Variants in LINGO1 observed in about 807,000 individuals in gnomAD.
LINGO1 encodes leucine-rich repeat and immunoglobulin-like domain-containing nogo receptor-interacting protein 1.
Under a neutral mutation model 37.3 loss-of-function variants are expected in LINGO1, and 11 were observed. The observed-to-expected ratio is 0.29, with a 90% confidence interval of 0.19 to 0.49. The LOEUF is 0.49. LINGO1 is among the 20% of genes least tolerant of loss of function. The pLI, the probability that LINGO1 is intolerant of heterozygous loss-of-function variation, is 0.99. For synonymous variants in LINGO1, 387 were observed against 403.0 expected (o/e 0.96, Z 0.48); for missense variants, 585 against 878.2 (o/e 0.67, Z 4.22).
intron 2 of LINGO1, among the ~76,000 whole-genome samples, chr15:77,723,349 T>C (rs1467049447): frequency 6.6e-6 from 1 of 152,220 alleles, no homozygotes. Context: ...GATGCAGACC[T>C]GCTAAGAGTC....
At chr15:77,725,029 A>G (rs1044270571) in intron 2 of LINGO1, among the ~76,000 whole-genome samples, 3 of 152,222 alleles carry the variant, frequency 2.0e-5, no homozygotes, top group African/African-American at 7.2e-5. Flanking sequence ...ATGCTGAAGG[A>G]TCAGAGCAGA....
intron 1 of LINGO1, among the ~76,000 whole-genome samples, chr15:77,756,460 ACT>A (rs574991226): frequency 1.1e-3 from 165 of 150,334 alleles, no homozygotes; most frequent in African/African-American, 4.0e-3. Context: ...TTCACAATAC[ACT>A]GACATACAAT....
rs753710707 is a variant in LINGO1, at chr15:77,615,873, C to T, written c.34G>A (p.Val12Met). The change falls in exon 2 of 2, where the codon GTG becomes ATG. Residue 12 changes from valine (V) to methionine (M), a missense_variant. Around this residue, in one of 4 missense-constraint regions of LINGO1, gnomAD observed 65 missense variants for 57.0 expected, o/e 1.14. Transcript: ENST00000355300. ...AGGAGGGGGCTGGGCATGCTCCTCA[C>T]GCCCCCCGCCAGCATCCTCTTGCTC... Reference protein sequence around the residue: ...QVSKRMLAGGVRSMPSPLLAC... With the variant: ...QVSKRMLAGGMRSMPSPLLAC... 1.3e-5 allele frequency: 19 copies of T among 1,470,888 alleles called. No individual in the cohort carries two copies. Among genetic ancestry groups the T allele is most frequent in the South Asian group, 1.1e-4 (8 of 71,926 alleles). The allele number at this position is 1,470,888 out of a possible 1,614,324, so 91.1% of individuals were successfully genotyped here. A position where few individuals can be genotyped will look rare whatever the true frequency, so the allele number is the denominator to read the frequency against.
At chr15:77,674,180 T>A (rs181125461) in intron 3 of LINGO1, among the ~76,000 whole-genome samples, 5 of 152,120 alleles carry the variant, frequency 3.3e-5, no homozygotes, top group Admixed American at 6.5e-5. Context: ...TCTCTCTCTC[T>A]CACACACCAC....
chr15:77,736,498 C>T (rs1352149695), intron 1 of LINGO1, among the ~76,000 whole-genome samples: 1 of 152,228 alleles, frequency 6.6e-6, no homozygotes, highest in Non-Finnish European at 1.5e-5. Flanking sequence ...TGTGGTGGCA[C>T]ACACGTGTAA....
upstream of LINGO1, chr15:77,820,759 C>G (rs1434100154): frequency 6.6e-6 from 1 of 152,352 alleles, no homozygotes; most frequent in Admixed American, 6.5e-5. Context: ...AAGGTAGTCC[C>G]TCAGCCCCCA....
Position 77,615,813 on chromosome 15 carries a change from C to A in LINGO1, c.94G>T (p.Gly32Cys). 1 of 1,540,416 alleles carries A rather than the reference C, an allele frequency of 6.5e-7. No homozygotes were observed. Among genetic ancestry groups the A allele is most frequent in the South Asian group, 1.2e-5 (1 of 82,282 alleles). ...GTGGCCGAGCCTGACAGCACTGAGC[C>A]CAGCACCAGCAGGAGGATGGGCTGC... ...CWQPILLLVLGSVLSGSATGC... is the reference protein window; with the variant it reads ...CWQPILLLVLCSVLSGSATGC... The change falls in exon 2 of 2, where the codon GGC becomes TGC. Residue 32 changes from glycine (G) to cysteine (C), a missense_variant. By Grantham distance (159) the Gly-to-Cys change is radical. Coordinates refer to ENST00000355300, the MANE Select transcript of LINGO1 (RefSeq NM_032808.7).
At chr15:77,762,568 C>A (rs2076488410) in intron 1 of LINGO1, among the ~76,000 whole-genome samples, 1 of 152,202 alleles carries the variant, frequency 6.6e-6, no homozygotes, top group African/African-American at 2.4e-5. Context: ...CCCTAAATTC[C>A]TGGGCTTCAA....
chr15:77,727,736 T>A (rs1596162097), intron 2 of LINGO1, among the ~76,000 whole-genome samples: 1 of 148,562 alleles, frequency 6.7e-6, no homozygotes, highest in Non-Finnish European at 1.5e-5. Context: ...GTTTTTTTTT[T>A]ACCATAATTT....
intron 3 of LINGO1, among the ~76,000 whole-genome samples, chr15:77,660,968 G>A (rs1444507058): frequency 2.0e-5 from 3 of 152,216 alleles, no homozygotes; most frequent in Non-Finnish European, 4.4e-5. Context: ...ACAGGACAGG[G>A]TCAGGGGGTG....
chr15:77,760,951 A>G (rs2076471188), intron 1 of LINGO1, among the ~76,000 whole-genome samples: 1 of 128,414 alleles, frequency 7.8e-6, no homozygotes, highest in African/African-American at 3.5e-5. Context: ...TTTGGAGACA[A>G]GGTCTCACTC....
Position 77,666,116 on chromosome 15 carries a change from ATGAATGAATGAATGAG to A in LINGO1, c.-13+10957_-13+10972del, listed in dbSNP as rs958375054. Among the ~76,000 whole-genome samples, 106 of 150,782 alleles carry A rather than the reference ATGAATGAATGAATGAG, an allele frequency of 7.0e-4. 1 individual carries two copies. The East Asian group carries it at 0.017, about 24-fold the overall frequency. ...CATCCAGCAAGTGTTGGCTGAATGA[ATGAATGAATGAATGAG>A]TGAATGAATGAATGACATGAACATG... On this transcript the variant is annotated intron_variant, in intron 3 of 3. Transcript: ENST00000559893.
intron 1 of LINGO1, among the ~76,000 whole-genome samples, chr15:77,809,760 G>A (rs1412453571): frequency 6.6e-6 from 1 of 152,216 alleles, no homozygotes; most frequent in African/African-American, 2.4e-5. Context: ...CAGAGCAGAG[G>A]ACGCCCAGCC....
chr15:77,666,352 A>G (rs1246043749), intron 3 of LINGO1, among the ~76,000 whole-genome samples: 1 of 152,222 alleles, frequency 6.6e-6, no homozygotes, highest in Non-Finnish European at 1.5e-5. Context: ...TCCTGGGGGC[A>G]GCAGGCACAC....
rs143405934 is a variant in LINGO1 at position 77,664,170 on chromosome 15, T to TGCGCGCGCGC, written c.-13+12909_-13+12918dup. On this transcript the variant is annotated intron_variant, in intron 3 of 3. Coordinates refer to the LINGO1 transcript ENST00000559893. ...GTGTGTGTGTGTGTGTGTGTGTGTG[T>TGCGCGCGCGC]GCGCGCGCGCATGCGTTTGCATTCT... is the stretch of plus-strand genomic sequence containing the variant. Among the ~76,000 whole-genome samples the TGCGCGCGCGC allele has an allele frequency of 1.7e-3, 218 of 130,988 alleles. 1 individual carries two copies. The highest frequency in any genetic ancestry group is 6.6e-3 in the African/African-American group (179 of 27,274). 85.9% of individuals were successfully genotyped at this position (130,988 alleles called of 152,430 possible). A position where few individuals can be genotyped will look rare whatever the true frequency, so the allele number is the denominator to read the frequency against.
intron 3 of LINGO1, among the ~76,000 whole-genome samples, chr15:77,642,375 C>G (rs1166901006): frequency 6.6e-6 from 1 of 152,162 alleles, no homozygotes; most frequent in African/African-American, 2.4e-5. Context: ...AGGGAGAGGC[C>G]CCATGGTGTG....
At chr15:77,800,162 G>A (rs2076905953) in intron 1 of LINGO1, among the ~76,000 whole-genome samples, 1 of 152,232 alleles carries the variant, frequency 6.6e-6, no homozygotes, top group Non-Finnish European at 1.5e-5. Flanking sequence ...GTCTCTTCCA[G>A]AGAGAGAACC....
chr15:77,761,880 T>C (rs1260643800), intron 1 of LINGO1, among the ~76,000 whole-genome samples: 1 of 152,210 alleles, frequency 6.6e-6, no homozygotes, highest in African/African-American at 2.4e-5. Context: ...CCCTGGCATA[T>C]AGCCTCTTTG....
chr15:77,750,701 C>A (rs1321686875), intron 1 of LINGO1, among the ~76,000 whole-genome samples: 1 of 152,258 alleles, frequency 6.6e-6, no homozygotes, highest in Non-Finnish European at 1.5e-5. Flanking sequence ...CCTGCACCAC[C>A]TCCTTTCCAC....
Sources: gnomAD v4.1 joint callset for allele counts (sites outside exome capture counted in the v4.1 genomes callset) on GRCh38, gnomAD v4.1.1 for gene constraint, gnomAD v4.1.1 regional missense constraint, MANE v1.5 for transcripts, NCBI Gene and HGNC (gene_info 2026-07-23, HGNC 2026-07-21) for gene names.